SMTN: variants seen among roughly 807,000 people sequenced by gnomAD.
SMTN encodes smoothelin.
SMTN carries 58 observed loss-of-function variants against 102.0 expected under a neutral mutation model. That is an observed-to-expected ratio of 0.57 (90% CI 0.46 to 0.71). The LOEUF (loss-of-function observed/expected upper bound fraction) is 0.71, where lower values mean the gene tolerates loss of function less well. SMTN is among the 30% of genes least tolerant of loss of function. The probability of loss-of-function intolerance (pLI) is 0.00; values close to 1 mark genes in which losing one functional copy is unlikely to be tolerated. For missense variants in SMTN, 1,185 were observed against 1,241.7 expected (o/e 0.95, Z 0.69); for synonymous variants, 478 against 497.9 (o/e 0.96, Z 0.53).
At chr22:31,088,185 C>A in intron 3 of SMTN, 72 bp downstream of exon 3, 2 of 1,476,956 alleles carry the variant, frequency 1.4e-6, no homozygotes, top group Non-Finnish European at 1.8e-6. Flanking sequence ...TGTGTGCAGG[C>A]AGGCGTGAGC....
intron 1 of SMTN, among the ~76,000 whole-genome samples, chr22:31,069,079 T>C (rs1216556712): frequency 2.0e-5 from 3 of 152,126 alleles, no homozygotes; most frequent in Non-Finnish European, 4.4e-5. Context: ...TTGGGGCTAG[T>C]TGTAAGGTTT....
chr22:31,102,244 CTG>C (rs1472397172), intron 20 of SMTN: 5 of 152,146 alleles, frequency 3.3e-5, no homozygotes, highest in Non-Finnish European at 7.3e-5. Context: ...TGGGCTAAGA[CTG>C]TCCTGGGGGT....
chr22:31,070,689 C>T (rs2041975353), intron 1 of SMTN, among the ~76,000 whole-genome samples: 1 of 151,620 alleles, frequency 6.6e-6, no homozygotes, highest in South Asian at 2.1e-4. Context: ...TTTGGGAGGC[C>T]CAGGTGGGTG....
At chr22:31,079,828 A>G (rs910128454), upstream of SMTN, among the ~76,000 whole-genome samples, 14 of 152,180 alleles carry the variant, frequency 9.2e-5, no homozygotes, top group African/African-American at 2.9e-4. Flanking sequence ...CAGTGGCACA[A>G]TCTCGGCTCA....
chr22:31,076,047 C>A (rs973456065), intron 1 of SMTN, among the ~76,000 whole-genome samples: 1 of 152,022 alleles, frequency 6.6e-6, no homozygotes, highest in African/African-American at 2.4e-5. Context: ...TCGAGAAGGG[C>A]GGGTAGGGCA....
In SMTN at chr22:31,098,753, T is replaced by C; in HGVS notation, c.2246T>C (p.Leu749Pro). 6.2e-7 allele frequency: 1 copy of C among 1,613,166 alleles called. No homozygotes were observed. The highest frequency in any genetic ancestry group is 8.5e-7 in the Non-Finnish European group (1 of 1,179,836). ...CGGCAGGCCGAGAAGAAGAAAGAGC[T>C]GATGAAGGCGCAGAGTCTGCCCAAG... ...EKRQAEKKKE[L>P]MKAQSLPKTS... The change falls in exon 17 of 21, where the codon CTG becomes CCG. Residue 749 changes from leucine (L) to proline (P), a missense_variant. Transcript: ENST00000333137.
intron 2 of SMTN, chr22:31,087,205 TC>T (rs1401324632): frequency 6.6e-6 from 1 of 152,324 alleles, no homozygotes; most frequent in African/African-American, 2.4e-5. Flanking sequence ...GAGAAGGTGT[TC>T]TTTCCTGAAC....
intron 16 of SMTN, 76 bp downstream of exon 16, chr22:31,097,414 G>A (rs1472813410): frequency 1.5e-6 from 2 of 1,356,230 alleles, no homozygotes; most frequent in African/African-American, 2.9e-5. Flanking sequence ...CCGTTTTACA[G>A]AGGGGTGGGC....
At chr22:31,093,746 T>C in intron 11 of SMTN, 1 of 1,493,546 alleles carries the variant, frequency 6.7e-7, no homozygotes, top group East Asian at 2.3e-5. Flanking sequence ...CCCAGCGAGC[T>C]GCTCCTGGCT....
intron 1 of SMTN, chr22:31,082,916 A>T (rs1209985636): frequency 6.5e-7 from 1 of 1,547,080 alleles, no homozygotes; most frequent in East Asian, 2.4e-5. Flanking sequence ...TGAGGTTTAG[A>T]CAGGATGAGA....
At chr22:31,064,965 T>G (rs559311291) in intron 1 of SMTN, 11 of 152,262 alleles carry the variant, frequency 7.2e-5, no homozygotes, top group African/African-American at 2.2e-4. Flanking sequence ...TAATGTCTTC[T>G]TAGTCTTCTC....
At chr22:31,097,527 A>G (rs1236108561) in intron 16 of SMTN, among the ~76,000 whole-genome samples, 189 bp downstream of exon 16, 1 of 151,832 alleles carries the variant, frequency 6.6e-6, no homozygotes, top group African/African-American at 2.4e-5. Flanking sequence ...AACATGGTAA[A>G]ACCTCATCTC....
At chr22:31,074,814 C>A (rs914567597) in intron 1 of SMTN, among the ~76,000 whole-genome samples, 3 of 151,984 alleles carry the variant, frequency 2.0e-5, no homozygotes, top group Non-Finnish European at 4.4e-5. Flanking sequence ...ACAAAAACAA[C>A]AACAACAACA....
Position 31,095,250 on chromosome 22 carries a change from T to C in SMTN, c.1633-53T>C, listed in dbSNP as rs2043480249. 1.3e-6 allele frequency: 2 copies of C among 1,580,434 alleles called. No homozygotes were observed. The highest frequency in any genetic ancestry group is 1.7e-6 in the Non-Finnish European group (2 of 1,156,572). On this transcript the variant is annotated intron_variant, in intron 11 of 20. Coordinates refer to ENST00000333137, the MANE Select transcript of SMTN (RefSeq NM_134269.3). The surrounding 1 kb of genome is among the most constrained non-coding windows in gnomAD (Gnocchi z 4.1). ...GCTTCCCTATCCATTGGAGACATGATGAGTTTCACCCATACCCCTGCTTAA... is the reference window on the plus strand; with the variant it reads ...GCTTCCCTATCCATTGGAGACATGACGAGTTTCACCCATACCCCTGCTTAA...
rs1423722976 is a variant in SMTN, at chr22:31,090,815, T to G, written c.873T>G (p.Ala291=). The G allele has an allele frequency of 1.2e-6, 2 of 1,613,568 alleles. No individual in the cohort carries two copies. Among genetic ancestry groups the G allele is most frequent in the Non-Finnish European group, 1.7e-6 (2 of 1,179,610 alleles). The change falls in exon 9 of 21, where the codon GCT becomes GCG. Residue 291 remains alanine, a synonymous_variant. Transcript: ENST00000333137. ...GPSDTKRADV[A]GPRPCQRSLS... ...CCCTCCCCAACCTGCCAGACGTGGC[T>G]GGACCCCGACCCTGCCAACGCTCCC...
rs763623979 is a variant in SMTN at position 31,088,558 on chromosome 22, G to C, written c.246G>C (p.Leu82=). ...AGCAGCGGGCTGCCCTGGCACGGCT[G>C]GCAGGGCAGCTGGAGTCCATGAACG... is the stretch of plus-strand genomic sequence containing the variant. ...EAEQRAALAR[L]AGQLESMNDV... The change falls in exon 4 of 21, where the codon CTG becomes CTC. Residue 82 remains leucine (L), a synonymous_variant. Transcript: ENST00000333137. 3.7e-6 allele frequency: 6 copies of C among 1,613,584 alleles called. No homozygotes were observed. In the Admixed American group the frequency reaches 8.3e-5, roughly 22 times the overall value.
At chr22:31,086,334 C>G (rs1337644413) in intron 2 of SMTN, among the ~76,000 whole-genome samples, 3 of 152,200 alleles carry the variant, frequency 2.0e-5, no homozygotes, top group Admixed American at 6.5e-5. Flanking sequence ...GTCATTTGAC[C>G]ATGAGCAAAT....
Position 31,091,461 on chromosome 22 carries a change from C to T in SMTN, c.1438C>T (p.Pro480Ser), listed in dbSNP as rs776170943. 9.2e-6 allele frequency: 14 copies of T among 1,523,132 alleles called. No homozygotes were observed. The highest frequency in any genetic ancestry group is 1.2e-5 in the Non-Finnish European group (14 of 1,139,272). The allele number at this position is 1,523,132 out of a possible 1,614,324, so 94.4% of individuals were successfully genotyped here. A position where few individuals can be genotyped will look rare whatever the true frequency, so the allele number is the denominator to read the frequency against. The change falls in exon 10 of 21, where the codon CCC becomes TCC. Residue 480 changes from proline to serine, a missense_variant. Physicochemically the swap from Pro to Ser is moderately conservative, Grantham distance 74. Coordinates refer to ENST00000333137, the MANE Select transcript of SMTN (RefSeq NM_134269.3). ...GQASTGRVLL[P>S]TGNQRAELTL... The stretch of plus-strand genomic sequence containing the variant: ...GGCCTCCACAGGCCGGGTGCTGCTG[C>T]CCACAGGCAACCAGAGGGCAGGTAG...
rs371780875 is a variant in SMTN, at chr22:31,099,831, C to T, written c.2538C>T (p.Phe846=). The T allele has an allele frequency of 1.1e-5, 18 of 1,613,944 alleles. No individual in the cohort carries two copies. Among genetic ancestry groups the T allele is most frequent in the African/African-American group, 5.3e-5 (4 of 74,910 alleles). The change falls in exon 19 of 21, where the codon TTC becomes TTT. Residue 846 remains phenylalanine, a synonymous_variant. Coordinates refer to ENST00000333137, the MANE Select transcript of SMTN (RefSeq NM_134269.3). The part of the protein sequence containing the change: ...ALVHNFFPEA[F]DYGQLSPQNR... ...TGCACAACTTCTTCCCTGAGGCCTT[C>T]GACTATGGGCAGCTTAGCCCTCAGA... is the stretch of plus-strand genomic sequence containing the variant.
Sources: gnomAD v4.1 joint callset for allele counts (sites outside exome capture counted in the v4.1 genomes callset) on GRCh38, gnomAD v4.1.1 for gene constraint, Gnocchi (gnomAD v3.1) non-coding constraint, MANE v1.5 for transcripts, NCBI Gene and HGNC (gene_info 2026-07-23, HGNC 2026-07-21) for gene names.